The following TMCC3 variants were observed in gnomAD, a reference collection of about 807,000 sequenced individuals.
The protein encoded by TMCC3 is transmembrane and coiled-coil domain family 3, also known as transmembrane and coiled-coil domain protein 3.
In TMCC3, 28 loss-of-function variants were observed where a neutral mutation model predicts 40.2. The ratio of observed to expected loss-of-function variants is 0.70; its 90% CI spans 0.52 to 0.95. The LOEUF (loss-of-function observed/expected upper bound fraction) is 0.95. Among genes scored for constraint, TMCC3 ranks in the 40% least tolerant of loss-of-function variants. The pLI, the probability that TMCC3 is intolerant of heterozygous loss-of-function variation, is 0.00. For synonymous variants in TMCC3, 255 were observed against 248.5 expected, an observed-to-expected ratio of 1.03 and a Z score of -0.25; for missense variants, 554 against 615.2, an observed-to-expected ratio of 0.90 and a Z score of 1.05.
At chr12:94,618,345 G>A (rs1184179580) in intron 1 of TMCC3, among the ~76,000 whole-genome samples, 2 of 151,946 alleles carry the variant, frequency 1.3e-5, no homozygotes, top group Admixed American at 1.3e-4. Flanking sequence ...TTCTTCCCTG[G>A]TAGCTTCATA....
At chr12:94,613,509 G>GC (rs2068828740) in intron 1 of TMCC3, among the ~76,000 whole-genome samples, 1 of 152,078 alleles carries the variant, frequency 6.6e-6, no homozygotes, top group African/African-American at 2.4e-5. Context: ...GCAAATCAAA[G>GC]AACACATACT....
At chr12:94,609,833 T>C (rs1232224653) in intron 1 of TMCC3, 2 of 152,194 alleles carry the variant, frequency 1.3e-5, no homozygotes, top group Non-Finnish European at 2.9e-5. Flanking sequence ...GCTACTGTAG[T>C]TCCAGAAATC....
In TMCC3 at chr12:94,650,405, G is replaced by A. The variant is rs1239996851; in HGVS notation, c.26C>T (p.Thr9Ile). Residue 9 changes from threonine to isoleucine, a missense_variant, in exon 1 of 4, where the codon ACC becomes ATC. Transcript: ENST00000261226. ...GGGGTACGAGTAGGTCCGGTCCACG[G>A]TGAGCGCCGTGTCGCTGCCCGGCAT... MPGSDTAL[T>I]VDRTYSYPGR... 3 of 1,322,440 alleles carry A rather than the reference G, an allele frequency of 2.3e-6. No homozygotes were observed. The highest frequency in any genetic ancestry group is 3.3e-5 in the Admixed American group (1 of 30,608). 81.9% of individuals were successfully genotyped at this position (1,322,440 alleles called of 1,614,324 possible).
intron 1 of TMCC3, among the ~76,000 whole-genome samples, chr12:94,590,100 C>G (rs1171931132): frequency 1.5e-5 from 2 of 132,124 alleles, no homozygotes; most frequent in Admixed American, 8.7e-5. Context: ...TCTATAAAAT[C>G]TATTCTTTTT....
At chr12:94,593,557 T>C (rs2068696881) in intron 1 of TMCC3, among the ~76,000 whole-genome samples, 1 of 151,482 alleles carries the variant, frequency 6.6e-6, no homozygotes, top group African/African-American at 2.4e-5. Flanking sequence ...CTAGAATACA[T>C]ATATCTTTCA....
chr12:94,604,181 C>T (rs2068769012), intron 1 of TMCC3, among the ~76,000 whole-genome samples: 1 of 152,176 alleles, frequency 6.6e-6, no homozygotes, highest in African/African-American at 2.4e-5. Context: ...AATCCTAATA[C>T]CATGTTGATC....
intron 1 of TMCC3, among the ~76,000 whole-genome samples, chr12:94,604,900 T>C (rs2068774222): frequency 1.3e-5 from 2 of 150,506 alleles, no homozygotes; most frequent in South Asian, 4.2e-4. Context: ...GAGAAGGTGA[T>C]AATTGACTTA....
At chr12:94,630,081 C>G (rs2068924346) in intron 1 of TMCC3, among the ~76,000 whole-genome samples, 1 of 152,126 alleles carries the variant, frequency 6.6e-6, no homozygotes, top group Non-Finnish European at 1.5e-5. Context: ...GCCTGGCCAA[C>G]ATGGCAAAAC....
chr12:94,572,690 G>C (rs552073237), intron 3 of TMCC3, among the ~76,000 whole-genome samples: 1 of 152,312 alleles, frequency 6.6e-6, no homozygotes, highest in Non-Finnish European at 1.5e-5. Context: ...CAGAGAAGGA[G>C]GGAGGTTCCA....
At chr12:94,647,135 C>G (rs2069024082) in intron 1 of TMCC3, among the ~76,000 whole-genome samples, 1 of 152,174 alleles carries the variant, frequency 6.6e-6, no homozygotes, top group Non-Finnish European at 1.5e-5. Flanking sequence ...TATGGATGCT[C>G]TTTCTTCTAA....
chr12:94,619,854 T>C (rs1412455302), intron 1 of TMCC3, among the ~76,000 whole-genome samples: 1 of 152,220 alleles, frequency 6.6e-6, no homozygotes, highest in Non-Finnish European at 1.5e-5. Context: ...ACTATTTCTG[T>C]AAAGACACAT....
chr12:94,582,659 A>C, intron 1 of TMCC3, 121 bp from the exon 2 acceptor site: 3 of 901,222 alleles, frequency 3.3e-6, no homozygotes, highest in Non-Finnish European at 5.0e-6. Flanking sequence ...TACAAGTGTC[A>C]CGGGATAAAA....
intron 1 of TMCC3, among the ~76,000 whole-genome samples, chr12:94,643,435 C>G (rs966316055): frequency 6.6e-6 from 1 of 152,156 alleles, no homozygotes; most frequent in African/African-American, 2.4e-5. Context: ...GTCTTGAACT[C>G]CATGTTCACA....
intron 1 of TMCC3, among the ~76,000 whole-genome samples, chr12:94,609,267 A>AT (rs1277989936): frequency 6.6e-6 from 1 of 152,188 alleles, no homozygotes; most frequent in Non-Finnish European, 1.5e-5. Flanking sequence ...AAATCAAGGA[A>AT]TTTGACAAGG....
chr12:94,625,220 T>C lies in TMCC3; in HGVS notation c.78+25133A>G, dbSNP rs532732786. On this transcript the variant is annotated intron_variant, in intron 1 of 3. Transcript: ENST00000261226. Reference sequence around the variant, plus strand: ...GACTGTATTTCCAAATAAGGTAATGTTGTGAGGTAGTGGTGGTTAGGACTT... The same window carrying C: ...GACTGTATTTCCAAATAAGGTAATGCTGTGAGGTAGTGGTGGTTAGGACTT... Among the ~76,000 whole-genome samples the C allele has an allele frequency of 2.6e-5, 4 of 151,594 alleles. No individual in the cohort carries two copies. The South Asian group carries it at 8.4e-4, about 32-fold the overall frequency.
intron 1 of TMCC3, among the ~76,000 whole-genome samples, chr12:94,618,626 G>A (rs2068859206): frequency 1.3e-5 from 2 of 152,256 alleles, no homozygotes; most frequent in African/African-American, 4.8e-5. Flanking sequence ...ACCAGTTTGA[G>A]AGGACACTTT....
At chr12:94,614,713 G>A (rs536585749) in intron 1 of TMCC3, among the ~76,000 whole-genome samples, 13 of 151,978 alleles carry the variant, frequency 8.6e-5, no homozygotes, top group South Asian at 2.1e-4. Context: ...ATATGCTGTC[G>A]GAACAACTGG....
intron 1 of TMCC3, chr12:94,610,150 T>TC (rs2068807100): frequency 6.6e-6 from 1 of 152,036 alleles, no homozygotes; most frequent in Non-Finnish European, 1.5e-5. Context: ...TAAGGAAAAC[T>TC]CCCCCATCCA....
chr12:94,620,351 G>A (rs572130870), intron 1 of TMCC3, among the ~76,000 whole-genome samples: 1 of 150,498 alleles, frequency 6.6e-6, no homozygotes, highest in African/African-American at 2.4e-5. Flanking sequence ...GTAATGGCGC[G>A]ATCTCGGCTC....
Sources: allele counts gnomAD v4.1 joint callset (sites outside exome capture counted in the v4.1 genomes callset), GRCh38; gene constraint gnomAD v4.1.1; transcripts MANE v1.5; gene names NCBI Gene and HGNC (gene_info 2026-07-23, HGNC 2026-07-21).